The following OXCT1 variants were observed in gnomAD, a reference collection of about 807,000 sequenced individuals.
OXCT1 encodes the protein 3-oxoacid CoA-transferase 1.
OXCT1 carries 27 observed loss-of-function variants against 69.6 expected under a neutral mutation model. That is an observed-to-expected ratio of 0.39 (90% CI 0.29 to 0.54). The LOEUF (loss-of-function observed/expected upper bound fraction) is 0.54, where lower values mean the gene tolerates loss of function less well. Ranked by LOEUF, OXCT1 falls within the 20% of genes least tolerant of loss-of-function variation. The pLI is 0.72. For missense variants in OXCT1, 437 were observed against 650.2 expected, an observed-to-expected ratio of 0.67 and a Z score of 3.57; for synonymous variants, 202 against 217.8, an observed-to-expected ratio of 0.93 and a Z score of 0.64.
intron 7 of OXCT1, among the ~76,000 whole-genome samples, chr5:41,818,942 GA>G (rs983468124): frequency 6.7e-6 from 1 of 149,664 alleles, no homozygotes; most frequent in East Asian, 2.0e-4. Context: ...AAAAGAAAAA[GA>G]AAAAAAGCAA....
intron 13 of OXCT1, among the ~76,000 whole-genome samples, chr5:41,782,930 T>G (rs556709075): frequency 6.6e-6 from 1 of 152,352 alleles, no homozygotes; most frequent in South Asian, 2.1e-4. Context: ...GATTCAGGTT[T>G]TCTGCAATTA....
chr5:41,835,389 C>T (rs1173065563), intron 7 of OXCT1, among the ~76,000 whole-genome samples: 1 of 152,172 alleles, frequency 6.6e-6, no homozygotes, highest in Non-Finnish European at 1.5e-5. Flanking sequence ...GTATAGAACA[C>T]AGAAGATACA....
intron 7 of OXCT1, among the ~76,000 whole-genome samples, chr5:41,831,510 AAGATAGACC>A (rs774168047): frequency 2.5e-4 from 38 of 152,188 alleles, no homozygotes; most frequent in Non-Finnish European, 4.4e-4. Flanking sequence ...TCCTATTATC[AAGATAGACC>A]ATCAGAATGT....
intron 13 of OXCT1, among the ~76,000 whole-genome samples, chr5:41,763,785 TAA>T (rs555919941): frequency 6.6e-6 from 1 of 151,730 alleles, no homozygotes; most frequent in South Asian, 2.1e-4. Flanking sequence ...CTCTTTGAAT[TAA>T]AAAAAAGTCC....
rs1228535905 is a variant in OXCT1 at position 41,829,122 on chromosome 5, GAA to G, written c.732+11327_732+11328del. Among the ~76,000 whole-genome samples the G allele has an allele frequency of 2.6e-3, 394 of 152,252 alleles. 1 individual carries two copies. Among genetic ancestry groups the G allele is most frequent in the Non-Finnish European group, 3.0e-3 (207 of 68,018 alleles). On this transcript the variant is annotated intron_variant, in intron 7 of 16. Coordinates refer to ENST00000196371, the MANE Select transcript of OXCT1 (RefSeq NM_000436.4). ...CTGAATTAGGAAGTTCTATATTAGA[GAA>G]GGATGAGGAATATGCCCTATTTTTC...
intron 7 of OXCT1, among the ~76,000 whole-genome samples, chr5:41,821,100 C>A (rs1454156759): frequency 6.6e-6 from 1 of 152,186 alleles, no homozygotes; most frequent in Non-Finnish European, 1.5e-5. Flanking sequence ...TTGACTACAT[C>A]CCCAAGCAAC....
chr5:41,783,946 T>C lies in OXCT1; in HGVS notation c.1248+10057A>G, dbSNP rs78459181. 3.3e-5 allele frequency among the ~76,000 whole-genome samples: 5 copies of C among 152,324 alleles called. No homozygotes were observed. The East Asian group carries it at 9.6e-4, about 29-fold the overall frequency. On this transcript the variant is annotated intron_variant, in intron 13 of 16. Transcript: ENST00000196371. The stretch of plus-strand genomic sequence containing the variant: ...AAAGGCAAAATCTCTGTAAGACTGT[T>C]GAAGATGGAGAAACTCTTTCACATT...
intron 5 of OXCT1, among the ~76,000 whole-genome samples, chr5:41,848,715 A>C (rs1749042780): frequency 6.6e-6 from 1 of 151,842 alleles, no homozygotes; most frequent in Admixed American, 6.6e-5. Flanking sequence ...TGGTGCTGGG[A>C]AAACTGGCTA....
At chr5:41,766,614 A>T (rs1055774511) in intron 13 of OXCT1, among the ~76,000 whole-genome samples, 2 of 151,948 alleles carry the variant, frequency 1.3e-5, no homozygotes, top group Admixed American at 1.3e-4. Flanking sequence ...CAAGTTGTAA[A>T]CATGATCTTT....
At chr5:41,749,695 C>G in intron 14 of OXCT1, 88 bp from the exon 15 acceptor site, 1 of 827,756 alleles carries the variant, frequency 1.2e-6, no homozygotes, top group South Asian at 1.4e-5. Flanking sequence ...CAGAAACTAT[C>G]AGAGAAATTG....
intron 3 of OXCT1, among the ~76,000 whole-genome samples, chr5:41,857,567 A>G (rs1384696945): frequency 6.6e-6 from 1 of 152,148 alleles, no homozygotes; most frequent in African/African-American, 2.4e-5. Context: ...TGAGGGGAAA[A>G]TGTTGGGATT....
intron 7 of OXCT1, among the ~76,000 whole-genome samples, chr5:41,811,673 G>C (rs774298336): frequency 1.3e-3 from 204 of 152,112 alleles, no homozygotes; most frequent in Non-Finnish European, 2.6e-3. Flanking sequence ...TGTCTATAAG[G>C]AAATGCACAA....
In OXCT1 at chr5:41,753,057, A is replaced by C. The variant is rs148923930; in HGVS notation, c.1339-3450T>G. Among the ~76,000 whole-genome samples, 213 of 152,242 alleles carry C rather than the reference A, an allele frequency of 1.4e-3. 1 individual carries two copies. Among genetic ancestry groups the C allele is most frequent in the African/African-American group, 5.0e-3 (207 of 41,568 alleles). On this transcript the variant is annotated intron_variant, in intron 14 of 16. Coordinates refer to ENST00000196371, the MANE Select transcript of OXCT1 (RefSeq NM_000436.4). Reference sequence around the variant, plus strand: ...TCTGCAGTATTAAACAACTCTAGTTAAATAGTAATAAATCCCTTTGCTATC... The same window carrying C: ...TCTGCAGTATTAAACAACTCTAGTTCAATAGTAATAAATCCCTTTGCTATC...
At chr5:41,816,900 T>G (rs1747271685) in intron 7 of OXCT1, among the ~76,000 whole-genome samples, 1 of 152,168 alleles carries the variant, frequency 6.6e-6, no homozygotes, top group African/African-American at 2.4e-5. Context: ...TTAGAGTGTC[T>G]CCTCCGTGGC....
chr5:41,821,439 G>A (rs1250666305), intron 7 of OXCT1, among the ~76,000 whole-genome samples: 2 of 152,214 alleles, frequency 1.3e-5, no homozygotes, highest in Non-Finnish European at 2.9e-5. Context: ...AATCTTTCAG[G>A]AAGCATTCCA....
At chr5:41,765,753 T>G (rs1744568557) in intron 13 of OXCT1, among the ~76,000 whole-genome samples, 1 of 152,086 alleles carries the variant, frequency 6.6e-6, no homozygotes, top group Non-Finnish European at 1.5e-5. Context: ...AGGTAAAACA[T>G]GATTGCTGAG....
At chr5:41,763,079 T>C (rs898093464) in intron 13 of OXCT1, among the ~76,000 whole-genome samples, 1 of 152,096 alleles carries the variant, frequency 6.6e-6, no homozygotes, top group Non-Finnish European at 1.5e-5. Context: ...CAGTAAAGTC[T>C]TAGAGGGCTC....
intron 5 of OXCT1, among the ~76,000 whole-genome samples, chr5:41,843,369 T>C (rs548660555): frequency 1.1e-4 from 17 of 152,288 alleles, no homozygotes; most frequent in African/African-American, 3.6e-4. Context: ...GTTTTATTAT[T>C]TTCTCCATAA....
chr5:41,811,945 T>C (rs1340156260), intron 7 of OXCT1, among the ~76,000 whole-genome samples: 1 of 152,078 alleles, frequency 6.6e-6, no homozygotes, highest in East Asian at 1.9e-4. Flanking sequence ...ACACTTATGG[T>C]CATATAATGC....
Sources: gnomAD v4.1 joint callset for allele counts (sites outside exome capture counted in the v4.1 genomes callset) on GRCh38, gnomAD v4.1.1 for gene constraint, MANE v1.5 for transcripts, NCBI Gene and HGNC (gene_info 2026-07-23, HGNC 2026-07-21) for gene names.